Variants in SHOC1 observed in about 807,000 individuals in gnomAD.
SHOC1 encodes the protein shortage in chiasmata 1, also known as protein shortage in chiasmata 1 ortholog.
SHOC1 carries 136 observed loss-of-function variants against 179.2 expected under a neutral mutation model. The ratio of observed to expected loss-of-function variants is 0.76; its 90% CI spans 0.66 to 0.87. SHOC1 has a LOEUF of 0.87. Among genes scored for constraint, SHOC1 ranks in the 40% least tolerant of loss-of-function variants. The pLI is 0.00. For missense variants in SHOC1, 1,538 were observed against 1,700.8 expected (o/e 0.90, Z 1.68); for synonymous variants, 489 against 586.6 (o/e 0.83, Z 2.41).
At chr9:111,765,046 C>T (rs1411158856) in intron 5 of SHOC1, among the ~76,000 whole-genome samples, 1 of 151,412 alleles carries the variant, frequency 6.6e-6, no homozygotes. Context: ...GAGGCTGAGG[C>T]GGGAGAATCA....
intron 18 of SHOC1, among the ~76,000 whole-genome samples, chr9:111,708,340 T>C (rs376506568): frequency 6.6e-6 from 1 of 151,988 alleles, no homozygotes; most frequent in South Asian, 2.1e-4. Flanking sequence ...GAAGCTGGGA[T>C]GACAAGTGCC....
intron 12 of SHOC1, among the ~76,000 whole-genome samples, chr9:111,731,416 G>A (rs968238676): frequency 6.6e-6 from 1 of 152,114 alleles, no homozygotes; most frequent in Non-Finnish European, 1.5e-5. Context: ...AAGACTTACA[G>A]GCCACTGTAG....
intron 23 of SHOC1, 111 bp downstream of exon 23, chr9:111,701,994 A>T: frequency 1.3e-6 from 1 of 758,570 alleles, no homozygotes; most frequent in Non-Finnish European, 2.0e-6. Flanking sequence ...TCCTTGACTT[A>T]AAGCAAACTA....
intron 5 of SHOC1, among the ~76,000 whole-genome samples, chr9:111,775,081 C>T (rs561571837): frequency 2.6e-5 from 4 of 151,952 alleles, no homozygotes; most frequent in East Asian, 3.9e-4. Flanking sequence ...CTGTAACCTC[C>T]GTCCCCTGGG....
chr9:111,733,289 A>T (rs1032685625), intron 12 of SHOC1, among the ~76,000 whole-genome samples: 6 of 150,118 alleles, frequency 4.0e-5, no homozygotes, highest in African/African-American at 1.5e-4. Flanking sequence ...GTAGTTTATA[A>T]TTTTTTTTTT....
chr9:111,745,659 G>A (rs747750939), intron 10 of SHOC1, among the ~76,000 whole-genome samples: 4 of 152,106 alleles, frequency 2.6e-5, no homozygotes, highest in African/African-American at 7.2e-5. Flanking sequence ...AAACCAACCC[G>A]GCTGACACTT....
At chr9:111,760,202 G>A (rs1001084899) in intron 5 of SHOC1, among the ~76,000 whole-genome samples, 4 of 152,194 alleles carry the variant, frequency 2.6e-5, no homozygotes. Context: ...TCTGAAGTCA[G>A]TTATATGGTC....
At chr9:111,732,305 C>G (rs1833610093) in intron 12 of SHOC1, among the ~76,000 whole-genome samples, 2 of 152,070 alleles carry the variant, frequency 1.3e-5, no homozygotes. Context: ...AATGTGTGGC[C>G]TGGCATGGTG....
intron 4 of SHOC1, 29 bp from the exon 5 acceptor site, chr9:111,776,004 T>A (rs537159197): frequency 6.4e-7 from 1 of 1,562,658 alleles, no homozygotes; most frequent in East Asian, 2.3e-5. Context: ...ACTAATGTTA[T>A]GTATGTCCTA....
In SHOC1 at chr9:111,713,159, AT is replaced by A; in HGVS notation, c.2428del (p.Ile810Ter). 6.4e-7 allele frequency: 1 copy of A among 1,552,374 alleles called. No individual in the cohort carries two copies. The highest frequency in any genetic ancestry group is 8.9e-7 in the Non-Finnish European group (1 of 1,128,940). The part of the protein sequence containing the change: ...SQQQIKVLII[I>X]RMDSDGEKHF... ...TTTTTCACCGTCTGAGTCCATTCTT[AT>A]TATAATCAGTACCTAGTCAAAAATA... On this transcript the variant is annotated frameshift_variant, in exon 18 of 28. Coordinates refer to ENST00000682961, the MANE Select transcript of SHOC1 (RefSeq NM_001378211.1). LOFTEE classifies it high-confidence loss of function.
At position 111,698,272 on chromosome 9, in the gene SHOC1, C is replaced by A. The variant is rs112026310; in HGVS notation, c.3183+1682G>T. Among the ~76,000 whole-genome samples, 394 of 152,298 alleles carry A rather than the reference C, an allele frequency of 2.6e-3. 2 individuals carry two copies. Among genetic ancestry groups the A allele is most frequent in the African/African-American group, 8.7e-3 (361 of 41,554 alleles). On this transcript the variant is annotated intron_variant, in intron 24 of 27. Transcript: ENST00000682961. ...TTATTCGTGAAGTTGTTGCCCATGCCTATGTCCTGAATGGTATTGCCTAGG... is the reference window on the plus strand; with the variant it reads ...TTATTCGTGAAGTTGTTGCCCATGCATATGTCCTGAATGGTATTGCCTAGG...
Position 111,718,307 on chromosome 9 carries a change from A to G in SHOC1, c.2132-19T>C, listed in dbSNP as rs1270714370. On this transcript the variant is annotated intron_variant, in intron 15 of 27. Coordinates refer to ENST00000682961, the MANE Select transcript of SHOC1 (RefSeq NM_001378211.1). ...ATTGTACCTAAGTAAGCAAAAATGT[A>G]TTTTAAAACATAGACTATACATTAC... 3 of 1,490,790 alleles carry G rather than the reference A, an allele frequency of 2.0e-6. No individual in the cohort carries two copies. Among genetic ancestry groups the G allele is most frequent in the Non-Finnish European group, 2.8e-6 (3 of 1,090,734 alleles). 92.3% of individuals were successfully genotyped at this position (1,490,790 alleles called of 1,614,324 possible).
intron 13 of SHOC1, among the ~76,000 whole-genome samples, chr9:111,724,959 A>G (rs1217816220): frequency 6.6e-6 from 1 of 152,150 alleles, no homozygotes; most frequent in African/African-American, 2.4e-5. Flanking sequence ...CCTAGGTATT[A>G]CAGAGGATTT....
rs376888967 is a variant in SHOC1, at chr9:111,702,150, C to T, written c.3044G>A (p.Arg1015Lys). ...MRLMALSLQY[R>K]YCWIILYTKE... ...GGTATATAAAATTATCCAACAATAT[C>T]TGTACTGTAATGATAATGCCATCAG... The change falls in exon 23 of 28, where the codon AGA becomes AAA. Residue 1015 changes from arginine to lysine, a missense_variant. Transcript: ENST00000682961. The T allele has an allele frequency of 6.7e-7, 1 of 1,485,502 alleles. No homozygotes were observed. The allele number at this position is 1,485,502 out of a possible 1,614,324, so 92.0% of individuals were successfully genotyped here. A position where few individuals can be genotyped will look rare whatever the true frequency, so the allele number is the denominator to read the frequency against.
chr9:111,756,298 G>A, intron 8 of SHOC1, 27 bp downstream of exon 8: 1 of 1,548,036 alleles, frequency 6.5e-7, no homozygotes, highest in Non-Finnish European at 8.7e-7. Context: ...GTTTTTACAA[G>A]TAATACATTT....
At chr9:111,715,760 T>G (rs985084776) in intron 16 of SHOC1, among the ~76,000 whole-genome samples, 14 of 152,306 alleles carry the variant, frequency 9.2e-5, no homozygotes, top group African/African-American at 3.4e-4. Context: ...TTCTACTTAT[T>G]TTTTTAAAAA....
intron 14 of SHOC1, 86 bp downstream of exon 14, chr9:111,723,706 T>C (rs1833170388): frequency 7.9e-7 from 1 of 1,269,016 alleles, no homozygotes; most frequent in Admixed American, 2.2e-5. Flanking sequence ...GAAAATGACA[T>C]GGAAAATGAG....
intron 17 of SHOC1, 57 bp downstream of exon 17, chr9:111,714,388 T>C: frequency 6.4e-7 from 1 of 1,569,994 alleles, no homozygotes; most frequent in South Asian, 1.1e-5. Context: ...AAAATGTATC[T>C]TACATCCAAT....
chr9:111,772,285 T>C (rs935353605), intron 5 of SHOC1, among the ~76,000 whole-genome samples: 3 of 152,146 alleles, frequency 2.0e-5, no homozygotes, highest in African/African-American at 7.2e-5. Flanking sequence ...CAAATTCTCT[T>C]TGTTAAATTT....
Sources: gnomAD v4.1 joint callset for allele counts (sites outside exome capture counted in the v4.1 genomes callset) on GRCh38, gnomAD v4.1.1 for gene constraint, MANE v1.5 for transcripts, NCBI Gene and HGNC (gene_info 2026-07-23, HGNC 2026-07-21) for gene names.